The following PRRC2C variants were observed in gnomAD, a reference collection of about 807,000 sequenced individuals.
The protein encoded by PRRC2C is proline rich coiled-coil 2C.
A neutral mutation model predicts 317.2 loss-of-function variants in PRRC2C; 72 were observed. That is an observed-to-expected ratio of 0.23 (90% CI 0.19 to 0.28). PRRC2C has a LOEUF of 0.28. Ranked by LOEUF, PRRC2C falls within the 10% of genes least tolerant of loss-of-function variation. The pLI is 1.00. For synonymous variants in PRRC2C, 1,296 were observed against 1,205.9 expected, an observed-to-expected ratio of 1.07 and a Z score of -1.55; for missense variants, 3,074 against 3,459.7, an observed-to-expected ratio of 0.89 and a Z score of 2.80.
At position 171,512,103 on chromosome 1, in the gene PRRC2C, A is replaced by T. The variant is rs1214263163; in HGVS notation, c.15A>T (p.Ser5=). 6.4e-7 allele frequency: 1 copy of T among 1,569,646 alleles called. No individual in the cohort carries two copies. The highest frequency in any genetic ancestry group is 1.9e-5 in the Admixed American group (1 of 52,978). MSEK[S]GQSTKAKDGK... ...TTTCCACCGAAATGTCGGAGAAGTC[A>T]GGCCAGAGCACAAAAGCAAAGGATG... is the stretch of plus-strand genomic sequence containing the variant. The change falls in exon 2 of 35, where the codon TCA becomes TCT. Residue 5 remains serine, a synonymous_variant. Coordinates refer to ENST00000647382, the MANE Select transcript of PRRC2C (RefSeq NM_001387844.1).
At chr1:171,499,506 A>T (rs1426832782) in intron 1 of PRRC2C, among the ~76,000 whole-genome samples, 1 of 152,114 alleles carries the variant, frequency 6.6e-6, no homozygotes, top group African/African-American at 2.4e-5. Context: ...AAAGGGAGAG[A>T]TGGGCCGGGC....
chr1:171,499,984 A>G (rs1668791482), intron 1 of PRRC2C, among the ~76,000 whole-genome samples: 1 of 152,202 alleles, frequency 6.6e-6, no homozygotes, highest in African/African-American at 2.4e-5. Context: ...CTGATTTACA[A>G]ATGTTCTGTA....
At chr1:171,490,129 G>T (rs1416605245) in intron 1 of PRRC2C, among the ~76,000 whole-genome samples, 4 of 152,072 alleles carry the variant, frequency 2.6e-5, no homozygotes, top group Non-Finnish European at 5.9e-5. Flanking sequence ...CATGTTGTCA[G>T]ACTGGTCTCG....
chr1:171,514,209 C>T (rs531850427), intron 3 of PRRC2C, among the ~76,000 whole-genome samples: 11 of 152,064 alleles, frequency 7.2e-5, no homozygotes, highest in African/African-American at 2.2e-4. Context: ...TATAAGTGTT[C>T]ACTTCTTCAA....
intron 30 of PRRC2C, among the ~76,000 whole-genome samples, chr1:171,586,501 A>T (rs1232229239): frequency 1.3e-5 from 2 of 151,864 alleles, no homozygotes; most frequent in East Asian, 3.9e-4. Flanking sequence ...TCACTAAGCA[A>T]AAGAAATATG....
chr1:171,499,197 A>C (rs541402636), intron 1 of PRRC2C, among the ~76,000 whole-genome samples: 2 of 152,222 alleles, frequency 1.3e-5, no homozygotes, highest in African/African-American at 4.8e-5. Flanking sequence ...AGCCTCCTCA[A>C]ATTTCTAAAT....
intron 18 of PRRC2C, among the ~76,000 whole-genome samples, chr1:171,551,579 G>T (rs941456416): frequency 6.6e-6 from 1 of 152,132 alleles, no homozygotes; most frequent in Non-Finnish European, 1.5e-5. Context: ...TTCTTCTAGG[G>T]TTTTTATCGT....
intron 6 of PRRC2C, among the ~76,000 whole-genome samples, chr1:171,518,634 A>AT (rs1672920871): frequency 7.6e-6 from 1 of 130,916 alleles, no homozygotes; most frequent in Non-Finnish European, 1.6e-5. Context: ...AGTAGCTGAA[A>AT]TTACAGGCAT....
intron 28 of PRRC2C, among the ~76,000 whole-genome samples, chr1:171,583,281 T>G (rs918409425): frequency 6.6e-6 from 1 of 152,190 alleles, no homozygotes; most frequent in African/African-American, 2.4e-5. Flanking sequence ...CCTTTTCTTT[T>G]GTAACGTTTT....
chr1:171,508,363 T>A (rs1670647879), intron 1 of PRRC2C, among the ~76,000 whole-genome samples: 1 of 152,230 alleles, frequency 6.6e-6, no homozygotes, highest in Non-Finnish European at 1.5e-5. Context: ...GATGTTAAAC[T>A]TTGTCACGTG....
rs1676101884 is a variant in PRRC2C at position 171,532,715 on chromosome 1, A to G, written c.1627A>G (p.Lys543Glu). ...AAAAGACAGAGAGAGACAGCAGGAA[A>G]AGGAGAAAGAGCTGGAGAAGGAGCA... The part of the protein sequence containing the change: ...REKDRERQQE[K>E]EKELEKEQEK... The change falls in exon 12 of 35, where the codon AAG (lysine) becomes GAG (glutamate). Residue 543 changes from lysine (K) to glutamate (E), a missense_variant. Physicochemically the swap from Lys to Glu is moderately conservative, Grantham distance 56 (BLOSUM62 1). Around this residue, in one of 11 missense-constraint regions of PRRC2C, gnomAD observed 1,320 missense variants for 1,395.7 expected, o/e 0.95. Coordinates refer to ENST00000647382, the MANE Select transcript of PRRC2C (RefSeq NM_001387844.1). The G allele has an allele frequency of 3.9e-6, 6 of 1,550,092 alleles. No homozygotes were observed. Among genetic ancestry groups the G allele is most frequent in the Non-Finnish European group, 5.2e-6 (6 of 1,146,824 alleles).
Position 171,545,491 on chromosome 1 carries a change from C to G in PRRC2C, c.4776C>G (p.Asp1592Glu). ...SKSGKRGPFD[D>E]QPAGTTGVDL... ...TATTTTTTTGTAGGCCATTTGATGA[C>G]CAGCCTGCAGGCACAACTGGGGTTG... The change falls in exon 17 of 35, where the codon GAC becomes GAG. Residue 1592 changes from aspartate to glutamate, a missense_variant. Physicochemically the swap from Asp to Glu is conservative, Grantham distance 45. This residue lies in a region of PRRC2C where 178 missense variants were observed against 163.0 expected (regional missense o/e 1.09). Coordinates refer to ENST00000647382, the MANE Select transcript of PRRC2C (RefSeq NM_001387844.1). 2.6e-6 allele frequency: 4 copies of G among 1,565,556 alleles called. No homozygotes were observed. The highest frequency in any genetic ancestry group is 3.5e-6 in the Non-Finnish European group (4 of 1,154,766).
At chr1:171,528,362 C>T (rs955665106) in intron 11 of PRRC2C, among the ~76,000 whole-genome samples, 1 of 150,592 alleles carries the variant, frequency 6.6e-6, no homozygotes, top group Admixed American at 6.6e-5. Flanking sequence ...GATCTTGGCT[C>T]ACTGCAACCT....
Position 171,559,773 on chromosome 1 carries a change from G to A in PRRC2C, c.6032-1245G>A, listed in dbSNP as rs972106998. On this transcript the variant is annotated intron_variant, in intron 19 of 34. Transcript: ENST00000647382. Reference sequence around the variant, plus strand: ...TGACTTCAGGTGATCCACCCACCTCGGCCTCCCAAAGTGCTGGGATTACAG... The same window carrying A: ...TGACTTCAGGTGATCCACCCACCTCAGCCTCCCAAAGTGCTGGGATTACAG... 5.3e-5 allele frequency among the ~76,000 whole-genome samples: 8 copies of A among 151,922 alleles called. No homozygotes were observed. The South Asian group carries it at 6.3e-4, about 12-fold the overall frequency.
At chr1:171,532,251 A>G in intron 11 of PRRC2C, 92 bp from the exon 12 acceptor site, 1 of 1,340,006 alleles carries the variant, frequency 7.5e-7, no homozygotes, top group Non-Finnish European at 1.0e-6. Context: ...AATTTCTGAT[A>G]TTTTTGTGGG....
At chr1:171,529,188 G>T (rs1675315228) in intron 11 of PRRC2C, among the ~76,000 whole-genome samples, 1 of 152,136 alleles carries the variant, frequency 6.6e-6, no homozygotes, top group Non-Finnish European at 1.5e-5. Context: ...CACTTCGAGT[G>T]TTGGAGCACT....
chr1:171,590,787 T>C (rs965033177), intron 34 of PRRC2C, among the ~76,000 whole-genome samples: 1 of 152,214 alleles, frequency 6.6e-6, no homozygotes, highest in African/African-American at 2.4e-5. Flanking sequence ...GGATTCCAGT[T>C]CTACTCCTGG....
chr1:171,517,376 A>G (rs1419368865), intron 5 of PRRC2C, among the ~76,000 whole-genome samples: 1 of 151,946 alleles, frequency 6.6e-6, no homozygotes, highest in African/African-American at 2.4e-5. Flanking sequence ...CCACCCCAGT[A>G]TTTGCTTGTG....
intron 17 of PRRC2C, among the ~76,000 whole-genome samples, chr1:171,546,413 T>C (rs190281495): frequency 2.7e-4 from 41 of 152,360 alleles, no homozygotes; most frequent in African/African-American, 9.9e-4. Context: ...TTAGTTGCAG[T>C]TATTCTAGTA....
Sources: gnomAD v4.1 joint callset for allele counts (sites outside exome capture counted in the v4.1 genomes callset) on GRCh38, gnomAD v4.1.1 for gene constraint, gnomAD v4.1.1 regional missense constraint, MANE v1.5 for transcripts, NCBI Gene and HGNC (gene_info 2026-07-23, HGNC 2026-07-21) for gene names.